The following COL5A2 variants were observed in gnomAD, a reference collection of about 807,000 sequenced individuals.
The protein encoded by COL5A2 is collagen type V alpha 2 chain, also known as collagen alpha-2(V) chain.
In COL5A2, 23 loss-of-function variants were observed where a neutral mutation model predicts 208.2. The ratio of observed to expected loss-of-function variants is 0.11; its 90% CI spans 0.08 to 0.16. COL5A2 has a LOEUF of 0.16. COL5A2 is among the 10% of genes least tolerant of loss of function. COL5A2 has a pLI of 1.00. For synonymous variants in COL5A2, 625 were observed against 628.5 expected, an observed-to-expected ratio of 0.99 and a Z score of 0.08; for missense variants, 1,590 against 1,956.4, an observed-to-expected ratio of 0.81 and a Z score of 3.53.
chr2:189,173,106 A>T (rs1369944635), intron 1 of COL5A2, among the ~76,000 whole-genome samples: 2 of 151,294 alleles, frequency 1.3e-5, no homozygotes, highest in African/African-American at 2.4e-5. Context: ...GAGTAGCTTG[A>T]ATTACAAGTG....
the COL5A2 span, among the ~76,000 whole-genome samples, chr2:189,279,655 T>C: frequency 6.6e-6 from 1 of 152,206 alleles, no homozygotes; most frequent in Non-Finnish European, 1.5e-5. Context: ...AGCTAGAGTA[T>C]TATAAGATAG....
chr2:189,175,684 C>T (rs192736567), intron 1 of COL5A2, among the ~76,000 whole-genome samples: 17 of 151,936 alleles, frequency 1.1e-4, no homozygotes, highest in Middle Eastern at 3.4e-3. Flanking sequence ...GCTGGGACCA[C>T]GCCTACCTAA....
chr2:189,312,274 C>A, the COL5A2 span, among the ~76,000 whole-genome samples: 1 of 152,080 alleles, frequency 6.6e-6, no homozygotes, highest in Non-Finnish European at 1.5e-5. Flanking sequence ...GCCAGGTGGT[C>A]GTTCAGGCTT....
intron 1 of COL5A2, among the ~76,000 whole-genome samples, chr2:189,214,821 T>C (rs1689258741): frequency 6.6e-6 from 1 of 152,210 alleles, no homozygotes; most frequent in African/African-American, 2.4e-5. Context: ...GTACTTGTTT[T>C]CTTCCATATG....
the COL5A2 span, among the ~76,000 whole-genome samples, chr2:189,360,737 C>T: frequency 3.5e-4 from 53 of 152,140 alleles, no homozygotes; most frequent in African/African-American, 1.3e-3. Context: ...TCAAGACCCA[C>T]ATGCGTTAGC....
At chr2:189,231,344 C>CATGAAGAA in the COL5A2 span, among the ~76,000 whole-genome samples, 1 of 151,444 alleles carries the variant, frequency 6.6e-6, no homozygotes, top group African/African-American at 2.4e-5. Context: ...AAAATAAATA[C>CATGAAGAA]ATGAAGAAAA....
At chr2:189,248,448 G>A in the COL5A2 span, among the ~76,000 whole-genome samples, 1 of 151,950 alleles carries the variant, frequency 6.6e-6, no homozygotes, top group Non-Finnish European at 1.5e-5. Flanking sequence ...GTACTTTCTT[G>A]GAAGAAAAAT....
intron 37 of COL5A2, 89 bp downstream of exon 37, chr2:189,053,806 G>T: frequency 1.7e-6 from 2 of 1,143,540 alleles, no homozygotes; most frequent in Non-Finnish European, 2.6e-6. Flanking sequence ...AAACCAATAA[G>T]CATTGTTTTA....
At chr2:189,293,282 C>A in the COL5A2 span, among the ~76,000 whole-genome samples, 3 of 151,986 alleles carry the variant, frequency 2.0e-5, no homozygotes, top group South Asian at 4.2e-4. Context: ...AAAGAGCCTG[C>A]GTGCACTGTG....
chr2:189,081,077 T>C (rs967915734), intron 12 of COL5A2, 34 bp from the exon 13 acceptor site: 6 of 1,582,926 alleles, frequency 3.8e-6, no homozygotes, highest in East Asian at 4.5e-5. Flanking sequence ...CATTTTACAG[T>C]CATTAATAAG....
the COL5A2 span, among the ~76,000 whole-genome samples, chr2:189,237,659 G>A: frequency 1.7e-4 from 26 of 151,730 alleles, no homozygotes; most frequent in African/African-American, 6.0e-4. Flanking sequence ...TAGTGATTTT[G>A]GCAATATATC....
At chr2:189,211,813 G>A (rs1418166860) in intron 1 of COL5A2, among the ~76,000 whole-genome samples, 1 of 152,154 alleles carries the variant, frequency 6.6e-6, no homozygotes, top group Non-Finnish European at 1.5e-5. Context: ...TAAAAGAGCA[G>A]CAAGAAAGTA....
intron 44 of COL5A2, among the ~76,000 whole-genome samples, chr2:189,048,502 A>G (rs535795818): frequency 6.6e-6 from 1 of 152,372 alleles, no homozygotes; most frequent in Admixed American, 6.5e-5. Flanking sequence ...TTTGAAAAAC[A>G]AAAAACCCAC....
intron 1 of COL5A2, among the ~76,000 whole-genome samples, chr2:189,165,834 T>C (rs1688452937): frequency 6.6e-6 from 1 of 152,192 alleles, no homozygotes; most frequent in African/African-American, 2.4e-5. Flanking sequence ...AAAATAACAA[T>C]TTAAAACAAA....
intron 1 of COL5A2, among the ~76,000 whole-genome samples, chr2:189,194,387 A>G (rs1201940336): frequency 6.6e-6 from 1 of 152,224 alleles, no homozygotes; most frequent in Non-Finnish European, 1.5e-5. Context: ...AATCATTGTT[A>G]ACATTTACAA....
At chr2:189,399,653 T>C in the COL5A2 span, among the ~76,000 whole-genome samples, 15 of 152,180 alleles carry the variant, frequency 9.9e-5, no homozygotes, top group South Asian at 2.1e-4. Flanking sequence ...TTTCAATGTC[T>C]TCTGCCTTCC....
chr2:189,213,217 A>AG (rs1449086429), intron 1 of COL5A2, among the ~76,000 whole-genome samples: 1 of 152,088 alleles, frequency 6.6e-6, no homozygotes, highest in Non-Finnish European at 1.5e-5. Context: ...AAAATCTTAA[A>AG]GGGGGGAGTT....
chr2:189,412,388 A>C, the COL5A2 span, among the ~76,000 whole-genome samples: 2 of 152,234 alleles, frequency 1.3e-5, no homozygotes, highest in Non-Finnish European at 1.5e-5. Context: ...ATCTTTTTGC[A>C]TTTATTTATA....
At chr2:189,439,077 C>A in the COL5A2 span, among the ~76,000 whole-genome samples, 3 of 152,186 alleles carry the variant, frequency 2.0e-5, no homozygotes, top group African/African-American at 7.2e-5. Context: ...TCAACCTTTT[C>A]AGGTTATTTC....
Sources: gnomAD v4.1 joint callset for allele counts (sites outside exome capture counted in the v4.1 genomes callset) on GRCh38, gnomAD v4.1.1 for gene constraint, MANE v1.5 for transcripts, NCBI Gene and HGNC (gene_info 2026-07-23, HGNC 2026-07-21) for gene names.